THRB: variants seen among roughly 807,000 people sequenced by gnomAD.
THRB encodes the protein thyroid hormone receptor beta, also known as nuclear receptor subfamily 1 group A member 2.
Under a neutral mutation model 47.8 loss-of-function variants are expected in THRB, and 12 were observed. That is an observed-to-expected ratio of 0.25 (90% CI 0.16 to 0.41). The LOEUF is 0.41. THRB is among the 10% of genes least tolerant of loss of function. THRB has a pLI of 1.00. For missense variants in THRB, 348 were observed against 589.2 expected (o/e 0.59, Z 4.24); for synonymous variants, 218 against 212.2 (o/e 1.03, Z -0.24).
At chr3:24,290,731 C>T (rs964114993) in intron 3 of THRB, among the ~76,000 whole-genome samples, 2 of 152,206 alleles carry the variant, frequency 1.3e-5, no homozygotes, top group Non-Finnish European at 2.9e-5. Context: ...AAATCAGTCA[C>T]AGCAGCAGAA....
chr3:24,339,474 C>G (rs1332040941), intron 1 of THRB, among the ~76,000 whole-genome samples: 1 of 152,140 alleles, frequency 6.6e-6, no homozygotes, highest in African/African-American at 2.4e-5. Context: ...GAATCGCACC[C>G]AGGCAGTCTG....
At chr3:24,406,913 T>G (rs1048857267) in intron 1 of THRB, among the ~76,000 whole-genome samples, 4 of 151,866 alleles carry the variant, frequency 2.6e-5, no homozygotes, top group African/African-American at 9.7e-5. Flanking sequence ...TGTAAAAGAA[T>G]AAGGTTCTCC....
chr3:24,407,286 GC>G (rs1420559106), intron 1 of THRB, among the ~76,000 whole-genome samples: 1 of 151,670 alleles, frequency 6.6e-6, no homozygotes, highest in Non-Finnish European at 1.5e-5. Context: ...TATGAATTCC[GC>G]AATTGCTGCT....
intron 3 of THRB, among the ~76,000 whole-genome samples, chr3:24,271,483 G>A (rs2053324111): frequency 6.6e-6 from 1 of 152,152 alleles, no homozygotes; most frequent in Non-Finnish European, 1.5e-5. Context: ...GGCAAAGAGA[G>A]GGCTTCTCTG....
chr3:24,326,000 C>T (rs554901055), intron 2 of THRB, among the ~76,000 whole-genome samples: 1 of 152,222 alleles, frequency 6.6e-6, no homozygotes, highest in South Asian at 2.1e-4. Context: ...AAGTCAAATT[C>T]CACTTATTCT....
chr3:24,275,670 C>T (rs1205382938), intron 3 of THRB, among the ~76,000 whole-genome samples: 1 of 152,134 alleles, frequency 6.6e-6, no homozygotes, highest in Non-Finnish European at 1.5e-5. Flanking sequence ...TTTTTGAGAG[C>T]CATCCAACTC....
Position 24,324,102 on chromosome 3 carries a change from C to T in THRB, c.-189+13198G>A, listed in dbSNP as rs147824812. Among the ~76,000 whole-genome samples the T allele has an allele frequency of 2.9e-3, 439 of 152,326 alleles. 1 individual carries two copies. Among genetic ancestry groups the T allele is most frequent in the Non-Finnish European group, 5.0e-3 (341 of 68,030 alleles). On this transcript the variant is annotated intron_variant, in intron 2 of 10. Transcript: ENST00000646209. ...CTTGACCTGCCTCAGTCTCACCCCA[C>T]GCTTCATCTCAGTTTCAACTGAGTC... is the stretch of plus-strand genomic sequence containing the variant.
intron 1 of THRB, among the ~76,000 whole-genome samples, chr3:24,433,122 C>T (rs772501766): frequency 1.3e-5 from 2 of 152,046 alleles, no homozygotes; most frequent in Non-Finnish European, 2.9e-5. Context: ...TTTACTTAAT[C>T]TCTCAAAGCC....
At chr3:24,284,582 G>C (rs1448926807) in intron 3 of THRB, among the ~76,000 whole-genome samples, 2 of 150,830 alleles carry the variant, frequency 1.3e-5, no homozygotes, top group African/African-American at 2.5e-5. Flanking sequence ...TTGACAAATG[G>C]GATCTAATTA....
intron 3 of THRB, among the ~76,000 whole-genome samples, chr3:24,257,541 CA>C (rs1306846128): frequency 1.3e-5 from 2 of 152,146 alleles, no homozygotes; most frequent in Admixed American, 1.3e-4. Flanking sequence ...ACATCTAAAT[CA>C]AGTGTTGGCA....
chr3:24,258,451 C>T (rs147138253), intron 3 of THRB, among the ~76,000 whole-genome samples: 4 of 152,308 alleles, frequency 2.6e-5, no homozygotes, highest in East Asian at 1.9e-4. Context: ...CGCCAAGCTG[C>T]CTGCAACTCC....
chr3:24,326,428 G>A (rs889746034), intron 2 of THRB, among the ~76,000 whole-genome samples: 3 of 151,974 alleles, frequency 2.0e-5, no homozygotes, highest in Non-Finnish European at 4.4e-5. Context: ...TAGAGATGGG[G>A]TTTCACTATG....
chr3:24,391,241 G>A (rs2066548207), intron 1 of THRB, among the ~76,000 whole-genome samples: 1 of 151,686 alleles, frequency 6.6e-6, no homozygotes, highest in Non-Finnish European at 1.5e-5. Flanking sequence ...AACATGGGTG[G>A]TAAAATATGG....
chr3:24,401,778 T>C (rs543272504), intron 1 of THRB, among the ~76,000 whole-genome samples: 2 of 152,124 alleles, frequency 1.3e-5, no homozygotes, highest in East Asian at 3.9e-4. Context: ...GAGTTTATTT[T>C]AGATGCAGAT....
intron 4 of THRB, among the ~76,000 whole-genome samples, chr3:24,212,151 C>G (rs965172022): frequency 6.6e-6 from 1 of 152,102 alleles, no homozygotes; most frequent in Non-Finnish European, 1.5e-5. Context: ...GTAATCCCAG[C>G]ACTTTGGGAG....
chr3:24,163,548 A>G (rs1004468985), intron 5 of THRB, among the ~76,000 whole-genome samples: 3 of 152,180 alleles, frequency 2.0e-5, no homozygotes, highest in Non-Finnish European at 4.4e-5. Flanking sequence ...AACACTACAA[A>G]AGGCATATCC....
At chr3:24,194,449 C>T (rs2043728143) in intron 4 of THRB, among the ~76,000 whole-genome samples, 1 of 152,094 alleles carries the variant, frequency 6.6e-6, no homozygotes, top group Non-Finnish European at 1.5e-5. Context: ...TAACATCTGG[C>T]TTTCAATACT....
chr3:24,265,904 A>G (rs1237103067), intron 3 of THRB, among the ~76,000 whole-genome samples: 1 of 152,194 alleles, frequency 6.6e-6, no homozygotes, highest in African/African-American at 2.4e-5. Flanking sequence ...AGAACTATGC[A>G]CAGATAAGCA....
At chr3:24,292,340 T>C (rs538770597) in intron 3 of THRB, among the ~76,000 whole-genome samples, 8 of 152,210 alleles carry the variant, frequency 5.3e-5, no homozygotes, top group Non-Finnish European at 1.2e-4. Flanking sequence ...TTGCTTTTAC[T>C]AAAATGCTTT....
Sources: allele counts gnomAD v4.1 joint callset (sites outside exome capture counted in the v4.1 genomes callset), GRCh38; gene constraint gnomAD v4.1.1; transcripts MANE v1.5; gene names NCBI Gene and HGNC (gene_info 2026-07-23, HGNC 2026-07-21).